Variants in PDE1A observed in about 807,000 individuals in gnomAD.
PDE1A encodes dual specificity calcium/calmodulin-dependent 3',5'-cyclic nucleotide phosphodiesterase 1A.
Under a neutral mutation model 61.7 loss-of-function variants are expected in PDE1A, and 35 were observed. The ratio of observed to expected loss-of-function variants is 0.57; its 90% CI spans 0.43 to 0.75. The LOEUF is 0.75. PDE1A is among the 30% of genes least tolerant of loss of function. PDE1A has a pLI of 0.00. For synonymous variants in PDE1A, 232 were observed against 213.2 expected (o/e 1.09, Z -0.77); for missense variants, 597 against 630.6 (o/e 0.95, Z 0.57).
chr2:182,191,676 T>C (rs2125422401), intron 10 of PDE1A, among the ~76,000 whole-genome samples: 1 of 148,874 alleles, frequency 6.7e-6, no homozygotes, highest in Middle Eastern at 3.4e-3. Flanking sequence ...ATTGTATCTA[T>C]TAAATGCTGC....
At chr2:182,534,274 A>G in the PDE1A span, among the ~76,000 whole-genome samples, 6 of 151,492 alleles carry the variant, frequency 4.0e-5, no homozygotes, top group Non-Finnish European at 8.9e-5. Context: ...TTTTTTTCCA[A>G]TTTTCCTTTG....
chr2:182,251,995 C>A (rs2125734873), intron 2 of PDE1A, among the ~76,000 whole-genome samples: 1 of 152,186 alleles, frequency 6.6e-6, no homozygotes, highest in African/African-American at 2.4e-5. Flanking sequence ...TTTCTACACC[C>A]ATGAGGCCAA....
intron 7 of PDE1A, among the ~76,000 whole-genome samples, chr2:182,210,617 T>C (rs1239727749): frequency 1.3e-5 from 2 of 152,184 alleles, no homozygotes; most frequent in Admixed American, 6.5e-5. Context: ...TTTAGTCTCT[T>C]GATAGTGTCT....
At chr2:182,154,582 G>C (rs914296411) in intron 13 of PDE1A, among the ~76,000 whole-genome samples, 1 of 152,094 alleles carries the variant, frequency 6.6e-6, no homozygotes, top group African/African-American at 2.4e-5. Context: ...CACGAGATCT[G>C]ATGGTTTAAT....
chr2:182,405,781 A>C (rs574875293), intron 1 of PDE1A, among the ~76,000 whole-genome samples: 3 of 152,242 alleles, frequency 2.0e-5, no homozygotes, highest in South Asian at 2.1e-4. Context: ...GTCTCACCCC[A>C]AAAAAATAAG....
chr2:182,616,184 C>A, the PDE1A span, among the ~76,000 whole-genome samples: 1 of 152,202 alleles, frequency 6.6e-6, no homozygotes, highest in South Asian at 2.1e-4. Context: ...GCTTCAATCA[C>A]CTACCTCAGT....
chr2:182,140,081 A>G (rs1345969383), exon 15 of PDE1A: 1 of 152,222 alleles, frequency 6.6e-6, no homozygotes, highest in African/African-American at 2.4e-5. Flanking sequence ...ATGCCAACTG[A>G]TGCACCACTT....
At chr2:182,626,792 C>CATATATATACATATATATACATAT in the PDE1A span, among the ~76,000 whole-genome samples, 2 of 8,972 alleles carry the variant, frequency 2.2e-4, no homozygotes, top group Non-Finnish European at 3.9e-4. Context: ...CATATATATA[C>CATATATATACATATATATACATAT]ATATATATAC....
At chr2:182,281,328 G>A (rs1040151432) in intron 1 of PDE1A, among the ~76,000 whole-genome samples, 2 of 151,860 alleles carry the variant, frequency 1.3e-5, no homozygotes, top group Admixed American at 6.6e-5. Flanking sequence ...GCTAAAGAAC[G>A]TTATAATGAG....
At chr2:182,472,613 C>T (rs991291779) in intron 2 of PDE1A, among the ~76,000 whole-genome samples, 4 of 151,682 alleles carry the variant, frequency 2.6e-5, no homozygotes, top group Non-Finnish European at 5.9e-5. Context: ...GTACAAAGTG[C>T]ATTACTCTAG....
chr2:182,141,083 T>G (rs1690210056), exon 15 of PDE1A: 1 of 152,056 alleles, frequency 6.6e-6, no homozygotes, highest in Admixed American at 6.6e-5. Context: ...TTTTTAGTAA[T>G]AAGGTCTTAT....
At chr2:182,472,856 A>T (rs1467271720) in intron 2 of PDE1A, among the ~76,000 whole-genome samples, 2 of 151,854 alleles carry the variant, frequency 1.3e-5, no homozygotes, top group Non-Finnish European at 2.9e-5. Flanking sequence ...AAATAAATAC[A>T]TTTAGAGCCG....
chr2:182,385,526 A>T (rs532307293), intron 1 of PDE1A, among the ~76,000 whole-genome samples: 33 of 152,074 alleles, frequency 2.2e-4, no homozygotes, highest in African/African-American at 7.7e-4. Context: ...CTTCATGTTA[A>T]TCACAAAGCA....
the PDE1A span, among the ~76,000 whole-genome samples, chr2:182,685,126 C>CAG: frequency 2.0e-5 from 3 of 148,156 alleles, no homozygotes; most frequent in Admixed American, 6.8e-5. Flanking sequence ...CACACACACA[C>CAG]AGAGAGAGAG....
At chr2:182,218,561 T>C (rs1688440508) in intron 7 of PDE1A, among the ~76,000 whole-genome samples, 1 of 152,134 alleles carries the variant, frequency 6.6e-6, no homozygotes. Flanking sequence ...TTCCTAACTT[T>C]TATCTCCACC....
At chr2:182,314,620 TA>T (rs1696213926) in intron 1 of PDE1A, 1 of 152,044 alleles carries the variant, frequency 6.6e-6, no homozygotes, top group Admixed American at 6.6e-5. Context: ...TGTAAAATTC[TA>T]GAAAATGGAA....
intron 2 of PDE1A, among the ~76,000 whole-genome samples, chr2:182,483,204 G>A (rs1470965806): frequency 2.6e-5 from 4 of 151,600 alleles, no homozygotes; most frequent in South Asian, 2.1e-4. Context: ...AGAATTTAAA[G>A]GCAAAATAGG....
chr2:182,590,690 T>C, the PDE1A span, among the ~76,000 whole-genome samples: 1 of 152,190 alleles, frequency 6.6e-6, no homozygotes, highest in Non-Finnish European at 1.5e-5. Flanking sequence ...ATAGATGTTC[T>C]AACTGATGAA....
intron 1 of PDE1A, among the ~76,000 whole-genome samples, chr2:182,392,286 T>TG (rs1701466758): frequency 6.6e-6 from 1 of 152,192 alleles, no homozygotes; most frequent in Admixed American, 6.5e-5. Flanking sequence ...AGACAGCATG[T>TG]GCAGGGGAAC....
Sources: gnomAD v4.1 joint callset for allele counts (sites outside exome capture counted in the v4.1 genomes callset) on GRCh38, gnomAD v4.1.1 for gene constraint, MANE v1.5 for transcripts, NCBI Gene and HGNC (gene_info 2026-07-23, HGNC 2026-07-21) for gene names.